The following NAV3 variants were observed in gnomAD, a reference collection of about 807,000 sequenced individuals.
NAV3 encodes neuron navigator 3, also known as pore membrane and/or filament interacting like protein 1.
NAV3 carries 87 observed loss-of-function variants against 244.7 expected under a neutral mutation model. That is an observed-to-expected ratio of 0.36 (90% CI 0.30 to 0.42). NAV3 has a LOEUF of 0.42. NAV3 is among the 20% of genes least tolerant of loss of function. The probability of loss-of-function intolerance (pLI) is 1.00; values close to 1 mark genes in which losing one functional copy is unlikely to be tolerated. For missense variants in NAV3, 2,663 were observed against 2,893.3 expected, an observed-to-expected ratio of 0.92 and a Z score of 1.83; for synonymous variants, 1,126 against 1,042.2, an observed-to-expected ratio of 1.08 and a Z score of -1.55.
At chr12:77,761,960 A>T (rs1030738041) in intron 2 of NAV3, among the ~76,000 whole-genome samples, 1 of 145,132 alleles carries the variant, frequency 6.9e-6, no homozygotes, top group African/African-American at 2.7e-5. Context: ...TCATTCTACT[A>T]TAGAGACACA....
At chr12:77,916,069 C>T (rs1887112371) in intron 1 of NAV3, among the ~76,000 whole-genome samples, 1 of 151,916 alleles carries the variant, frequency 6.6e-6, no homozygotes, top group African/African-American at 2.4e-5. Flanking sequence ...TAAGACAGGC[C>T]ACTCTGAGAT....
chr12:77,922,045 A>G (rs1361948101), intron 1 of NAV3, among the ~76,000 whole-genome samples: 1 of 152,144 alleles, frequency 6.6e-6, no homozygotes, highest in Non-Finnish European at 1.5e-5. Context: ...AATTATATCA[A>G]AGTTCTATCT....
chr12:77,774,641 C>G (rs1158297343), intron 2 of NAV3, among the ~76,000 whole-genome samples: 1 of 152,036 alleles, frequency 6.6e-6, no homozygotes, highest in Non-Finnish European at 1.5e-5. Flanking sequence ...AGAGCAAGTA[C>G]TTATGTAGGG....
In NAV3 at chr12:77,844,637, A is replaced by G. The variant is rs182678865; in HGVS notation, c.243+12933A>G. On this transcript the variant is annotated intron_variant, in intron 1 of 39. Coordinates refer to ENST00000397909, the MANE Select transcript of NAV3 (RefSeq NM_001024383.2). ...TTTTCTCCCCTTATCCCTCCATTCTATATGGACTTGTTTTAAATTTTTATT... is the reference window on the plus strand; with the variant it reads ...TTTTCTCCCCTTATCCCTCCATTCTGTATGGACTTGTTTTAAATTTTTATT... Among the ~76,000 whole-genome samples, 8 of 152,220 alleles carry G rather than the reference A, an allele frequency of 5.3e-5. No homozygotes were observed. The East Asian group carries it at 1.2e-3, about 22-fold the overall frequency.
intron 30 of NAV3, among the ~76,000 whole-genome samples, chr12:78,185,139 G>T (rs189629924): frequency 5.9e-5 from 9 of 151,804 alleles, no homozygotes; most frequent in Admixed American, 4.0e-4. Context: ...TATATAGCTG[G>T]CTGTGTCAAA....
At chr12:78,193,804 G>A (rs1244700130) in intron 34 of NAV3, among the ~76,000 whole-genome samples, 2 of 152,064 alleles carry the variant, frequency 1.3e-5, no homozygotes, top group Non-Finnish European at 2.9e-5. Context: ...CAAGATGAAA[G>A]AAAGCCACAT....
chr12:77,726,473 G>C (rs764811048), intron 2 of NAV3, among the ~76,000 whole-genome samples: 26 of 151,926 alleles, frequency 1.7e-4, no homozygotes, highest in Non-Finnish European at 3.4e-4. Flanking sequence ...ATGGGAAAGA[G>C]AGGAGGAAAG....
intron 9 of NAV3, among the ~76,000 whole-genome samples, chr12:78,045,857 G>A (rs186692148): frequency 6.6e-6 from 1 of 152,114 alleles, no homozygotes; most frequent in South Asian, 2.1e-4. Flanking sequence ...AATCTGTCTG[G>A]TCCTGGGCAT....
chr12:77,680,004 G>T (rs946356902), intron 2 of NAV3, among the ~76,000 whole-genome samples: 1 of 152,072 alleles, frequency 6.6e-6, no homozygotes, highest in African/African-American at 2.4e-5. Context: ...GAGTGAGAAC[G>T]AAAAGAGAGG....
intron 34 of NAV3, 90 bp downstream of exon 34, chr12:78,190,309 T>A: frequency 3.9e-6 from 4 of 1,013,050 alleles, no homozygotes; most frequent in Non-Finnish European, 4.4e-6. Flanking sequence ...ACTTCCATGT[T>A]GTACATGGAA....
intron 12 of NAV3, among the ~76,000 whole-genome samples, chr12:78,086,593 T>C (rs1953650954): frequency 6.6e-6 from 1 of 152,030 alleles, no homozygotes; most frequent in African/African-American, 2.4e-5. Context: ...TGCAACCTCT[T>C]AAATTTGTAT....
chr12:78,167,990 A>C (rs2139542039), intron 23 of NAV3, among the ~76,000 whole-genome samples: 1 of 151,752 alleles, frequency 6.6e-6, no homozygotes. Flanking sequence ...GGACATCTTA[A>C]AATTACTCTA....
intron 2 of NAV3, among the ~76,000 whole-genome samples, chr12:77,589,182 A>C (rs1869784833): frequency 6.6e-6 from 1 of 152,142 alleles, no homozygotes; most frequent in South Asian, 2.1e-4. Flanking sequence ...TAGGAAAAAC[A>C]CTTTGGGAAG....
At chr12:77,826,736 C>T (rs559512035), upstream of NAV3, among the ~76,000 whole-genome samples, 1 of 152,270 alleles carries the variant, frequency 6.6e-6, no homozygotes, top group East Asian at 1.9e-4. Flanking sequence ...AAAGGCAAAA[C>T]TAGCGTTAGA....
chr12:78,093,295 CATCT>C (rs533329984), intron 12 of NAV3, among the ~76,000 whole-genome samples: 1 of 152,158 alleles, frequency 6.6e-6, no homozygotes, highest in South Asian at 2.1e-4. Flanking sequence ...GATAATTACT[CATCT>C]ATCTTTTTCT....
intron 2 of NAV3, among the ~76,000 whole-genome samples, chr12:77,690,251 C>T (rs11106283): frequency 0.098 from 14,867 of 151,726 alleles, 2,016 homozygotes; most frequent in African/African-American, 0.31. Flanking sequence ...ACTGAAGAAA[C>T]GAACTGTCTC....
intron 3 of NAV3, among the ~76,000 whole-genome samples, chr12:77,958,507 G>C (rs1345403874): frequency 3.3e-5 from 5 of 152,004 alleles, no homozygotes; most frequent in Admixed American, 6.6e-5. Context: ...CATTTGTTTA[G>C]TTTCTATAAT....
chr12:78,168,322 T>C (rs964866385), intron 23 of NAV3, among the ~76,000 whole-genome samples: 4 of 151,824 alleles, frequency 2.6e-5, no homozygotes, highest in African/African-American at 9.7e-5. Flanking sequence ...TCTGAAATCA[T>C]TCATTTGACA....
chr12:77,907,486 C>G (rs1446377105), intron 1 of NAV3, among the ~76,000 whole-genome samples: 1 of 152,012 alleles, frequency 6.6e-6, no homozygotes, highest in Non-Finnish European at 1.5e-5. Flanking sequence ...TGATTATTTC[C>G]TTGTAATAAT....
Sources: gnomAD v4.1 joint callset for allele counts (sites outside exome capture counted in the v4.1 genomes callset) on GRCh38, gnomAD v4.1.1 for gene constraint, MANE v1.5 for transcripts, NCBI Gene and HGNC (gene_info 2026-07-23, HGNC 2026-07-21) for gene names.